Variants in WDR17 observed in about 807,000 individuals in gnomAD.
WDR17 encodes the protein WD repeat domain 17.
A neutral mutation model predicts 161.7 loss-of-function variants in WDR17; 143 were observed. The ratio of observed to expected loss-of-function variants is 0.88; its 90% confidence interval spans 0.77 to 1.02. WDR17 has a LOEUF of 1.02. WDR17 is among the 50% of genes least tolerant of loss of function. The probability of loss-of-function intolerance (pLI) is 0.00; values close to 1 mark genes in which losing one functional copy is unlikely to be tolerated. For synonymous variants in WDR17, 517 were observed against 515.6 expected, an observed-to-expected ratio of 1.00 and a Z score of -0.04; for missense variants, 1,469 against 1,520.9, an observed-to-expected ratio of 0.97 and a Z score of 0.57.
chr4:176,150,326 A>G, intron 15 of WDR17, 142 bp from the exon 16 acceptor site: 1 of 1,445,942 alleles, frequency 6.9e-7, no homozygotes, highest in South Asian at 1.4e-5. Flanking sequence ...ATGTAAAACT[A>G]GAAACAATAC....
At chr4:176,165,097 T>G (rs568420978) in intron 22 of WDR17, among the ~76,000 whole-genome samples, 53 of 149,540 alleles carry the variant, frequency 3.5e-4, no homozygotes, top group African/African-American at 1.3e-3. Context: ...GAGGCCAAGG[T>G]GGGTGGATCA....
At chr4:176,075,101 G>T (rs2126565103) in intron 1 of WDR17, among the ~76,000 whole-genome samples, 1 of 151,638 alleles carries the variant, frequency 6.6e-6, no homozygotes, top group South Asian at 2.1e-4. Context: ...TTTATCAAAT[G>T]ATTAATTTAT....
chr4:176,128,740 T>C lies in WDR17; in HGVS notation c.793T>C (p.Ser265Pro). The C allele has an allele frequency of 6.2e-7, 1 of 1,601,530 alleles. No homozygotes were observed. Among genetic ancestry groups the C allele is most frequent in the Non-Finnish European group, 8.5e-7 (1 of 1,176,376 alleles). The change falls in exon 6 of 29, where the codon TCT (serine) becomes CCT (proline). Residue 265 changes from serine (S) to proline (P), a missense_variant and splice_region_variant. Transcript: ENST00000508596. Reference sequence around the variant, plus strand: ...TGCTTTTTCCCTGATCTGACTAGATTCTCAAGTGGGTGTTTTACGCATTTG... The same window carrying C: ...TGCTTTTTCCCTGATCTGACTAGATCCTCAAGTGGGTGTTTTACGCATTTG... Reference protein sequence around the residue: ...SAPGMFITGDSQVGVLRIWNV... With the variant: ...SAPGMFITGDPQVGVLRIWNV...
At chr4:176,092,880 A>G (rs1292442301) in intron 1 of WDR17, among the ~76,000 whole-genome samples, 1 of 152,094 alleles carries the variant, frequency 6.6e-6, no homozygotes, top group East Asian at 1.9e-4. Flanking sequence ...CGTCTCTACT[A>G]AAAATACAAA....
At position 176,182,652 on chromosome 4, in the gene WDR17, G is replaced by A. The variant is rs1325227667; in HGVS notation, c.*3073G>A. 1 of 151,824 alleles carries A rather than the reference G, an allele frequency of 6.6e-6. No homozygotes were observed. Among genetic ancestry groups the A allele is most frequent in the Non-Finnish European group, 1.5e-5 (1 of 67,972 alleles). 9.4% of individuals were successfully genotyped at this position (151,824 alleles called of 1,614,324 possible). A position where few individuals can be genotyped will look rare whatever the true frequency, so the allele number is the denominator to read the frequency against. ...AGTCAACTCTTAATTAATGCTTATT[G>A]TACCAAATCTTTGAGATATTTGTAC... On this transcript the variant is annotated 3_prime_UTR_variant, in exon 29 of 29. Coordinates refer to ENST00000508596, the MANE Select transcript of WDR17 (RefSeq NM_181265.4). This position sits in a 1 kb window ranked among gnomAD's most constrained non-coding sequence, Gnocchi z 4.2.
chr4:176,125,974 T>C (rs1742387402), intron 5 of WDR17, among the ~76,000 whole-genome samples: 1 of 152,200 alleles, frequency 6.6e-6, no homozygotes. Flanking sequence ...GACAAGAGCA[T>C]GAAAGCAAGG....
intron 23 of WDR17, among the ~76,000 whole-genome samples, chr4:176,171,888 C>T (rs2062139): frequency 1.3e-5 from 2 of 151,996 alleles, no homozygotes; most frequent in African/African-American, 2.4e-5. Context: ...TTTAGAGCTT[C>T]TACATTTTTT....
intron 16 of WDR17, 99 bp downstream of exon 16, chr4:176,150,692 G>A: frequency 2.5e-6 from 3 of 1,206,064 alleles, no homozygotes; most frequent in South Asian, 4.0e-5. Flanking sequence ...GATTAGATCG[G>A]TAGATTTAAA....
At chr4:176,121,058 TC>T (rs1446252523) in intron 4 of WDR17, among the ~76,000 whole-genome samples, 1 of 152,192 alleles carries the variant, frequency 6.6e-6, no homozygotes, top group Non-Finnish European at 1.5e-5. Context: ...ATATGCTTCT[TC>T]CCCAGCTTCT....
chr4:176,169,690 G>T (rs1053281310), intron 23 of WDR17, among the ~76,000 whole-genome samples: 4 of 152,128 alleles, frequency 2.6e-5, no homozygotes, highest in African/African-American at 9.7e-5. Context: ...TTAAGCAACA[G>T]ATATTTTCTG....
rs546005863 is a variant in WDR17, at chr4:176,124,810, G to T, written c.539-294G>T. On this transcript the variant is annotated intron_variant, in intron 4 of 28. Transcript: ENST00000508596. ...CAGTGAAATTTGTAATTATTGACAAGATCAGAGTATGTTATTTATCTGTAT... is the reference window on the plus strand; with the variant it reads ...CAGTGAAATTTGTAATTATTGACAATATCAGAGTATGTTATTTATCTGTAT... Among the ~76,000 whole-genome samples, 95 of 152,274 alleles carry T rather than the reference G, an allele frequency of 6.2e-4. 1 individual carries two copies. Among genetic ancestry groups the T allele is most frequent in the African/African-American group, 2.3e-3 (94 of 41,556 alleles).
At chr4:176,096,977 A>T (rs1736980876) in intron 1 of WDR17, among the ~76,000 whole-genome samples, 1 of 151,990 alleles carries the variant, frequency 6.6e-6, no homozygotes. Flanking sequence ...CTTATTAAAC[A>T]AATACTTTAA....
intron 17 of WDR17, among the ~76,000 whole-genome samples, chr4:176,155,777 A>G (rs563714671): frequency 3.7e-4 from 55 of 148,154 alleles, no homozygotes; most frequent in Non-Finnish European, 7.1e-4. Flanking sequence ...TGCCCAGGCT[A>G]GTCTCAAACT....
At chr4:176,130,519 C>A (rs1030806733) in intron 6 of WDR17, among the ~76,000 whole-genome samples, 1 of 151,992 alleles carries the variant, frequency 6.6e-6, no homozygotes, top group East Asian at 1.9e-4. Context: ...CCAAGGCGGG[C>A]AGATCACAAG....
chr4:176,084,148 T>C (rs956875093), intron 1 of WDR17, among the ~76,000 whole-genome samples: 12 of 152,100 alleles, frequency 7.9e-5, no homozygotes, highest in African/African-American at 2.7e-4. Context: ...TTAGTCTGTT[T>C]TGTGTTGCTA....
chr4:176,112,000 ATAT>A (rs747241200), intron 2 of WDR17, among the ~76,000 whole-genome samples: 12 of 152,144 alleles, frequency 7.9e-5, no homozygotes, highest in Non-Finnish European at 1.5e-4. Flanking sequence ...ATATTGTGAG[ATAT>A]TATTGGGAGA....
chr4:176,123,177 T>G (rs2126730213), intron 4 of WDR17, among the ~76,000 whole-genome samples: 1 of 152,330 alleles, frequency 6.6e-6, no homozygotes, highest in Admixed American at 6.5e-5. Context: ...TAATAAAATT[T>G]GCCTTGTTTT....
intron 15 of WDR17, 99 bp downstream of exon 15, chr4:176,150,272 CATTGGGT>C: frequency 1.3e-6 from 2 of 1,523,326 alleles, no homozygotes; most frequent in Non-Finnish European, 1.8e-6. Flanking sequence ...CATTCTAATT[CATTGGGT>C]AACTCTTACC....
intron 1 of WDR17, among the ~76,000 whole-genome samples, chr4:176,084,005 G>A (rs995324413): frequency 2.6e-5 from 4 of 151,750 alleles, no homozygotes; most frequent in African/African-American, 9.7e-5. Flanking sequence ...CTATTGGTTT[G>A]CCAGTCTGTT....
Sources: gnomAD v4.1 joint callset for allele counts (sites outside exome capture counted in the v4.1 genomes callset) on GRCh38, gnomAD v4.1.1 for gene constraint, Gnocchi (gnomAD v3.1) non-coding constraint, MANE v1.5 for transcripts, NCBI Gene and HGNC (gene_info 2026-07-23, HGNC 2026-07-21) for gene names.